Variants in SUGCT observed in about 807,000 individuals in gnomAD.
SUGCT encodes succinyl-CoA:glutarate CoA-transferase.
SUGCT carries 41 observed loss-of-function variants against 55.0 expected under a neutral mutation model. That is an observed-to-expected ratio of 0.74 (90% confidence interval 0.58 to 0.97). The LOEUF is 0.97. Among genes scored for constraint, SUGCT ranks in the 50% least tolerant of loss-of-function variants. The pLI, the probability that SUGCT is intolerant of heterozygous loss-of-function variation, is 0.00. For synonymous variants in SUGCT, 187 were observed against 200.4 expected (o/e 0.93, Z 0.56); for missense variants, 568 against 547.8 (o/e 1.04, Z -0.37).
chr7:40,710,278 T>A (rs563827194), intron 12 of SUGCT, among the ~76,000 whole-genome samples: 1 of 152,336 alleles, frequency 6.6e-6, no homozygotes, highest in East Asian at 1.9e-4. Context: ...ACAGAGGAGA[T>A]ACATTTCTAC....
At chr7:40,957,095 T>C in the SUGCT span, among the ~76,000 whole-genome samples, 1 of 152,228 alleles carries the variant, frequency 6.6e-6, no homozygotes, top group Non-Finnish European at 1.5e-5. Context: ...GTATATTCTG[T>C]TGATTTTGGG....
At chr7:40,329,995 T>G (rs1198029071) in intron 9 of SUGCT, among the ~76,000 whole-genome samples, 1 of 152,200 alleles carries the variant, frequency 6.6e-6, no homozygotes, top group Non-Finnish European at 1.5e-5. Flanking sequence ...GTTGCATGGG[T>G]TAGTCTGTCA....
At chr7:40,750,961 C>T (rs1319223468) in intron 13 of SUGCT, among the ~76,000 whole-genome samples, 1 of 152,122 alleles carries the variant, frequency 6.6e-6, no homozygotes, top group Non-Finnish European at 1.5e-5. Flanking sequence ...CACCCCTGGC[C>T]ACCTGGAACT....
At chr7:40,224,394 C>T (rs1343999724) in intron 6 of SUGCT, among the ~76,000 whole-genome samples, 1 of 121,812 alleles carries the variant, frequency 8.2e-6, no homozygotes, top group East Asian at 2.2e-4. Flanking sequence ...TTAGGATAAT[C>T]TGTGCGTGTG....
chr7:40,933,753 A>G, the SUGCT span, among the ~76,000 whole-genome samples: 1 of 152,150 alleles, frequency 6.6e-6, no homozygotes, highest in Non-Finnish European at 1.5e-5. Context: ...CATGCATCAC[A>G]AAGTTCTTAT....
intron 8 of SUGCT, among the ~76,000 whole-genome samples, chr7:40,310,241 A>G (rs1056133271): frequency 7.9e-5 from 12 of 152,208 alleles, no homozygotes; most frequent in Non-Finnish European, 1.5e-4. Context: ...AAAACCTCAT[A>G]ACTCCAGTCT....
At chr7:40,539,030 G>A (rs1263169481) in intron 12 of SUGCT, 1 of 149,644 alleles carries the variant, frequency 6.7e-6, no homozygotes, top group Non-Finnish European at 1.5e-5. Context: ...AGTGAGCTGA[G>A]ATCGTGCCAC....
At chr7:40,925,761 C>T in the SUGCT span, among the ~76,000 whole-genome samples, 10 of 152,162 alleles carry the variant, frequency 6.6e-5, no homozygotes, top group South Asian at 8.3e-4. Context: ...AGCAGAGTCA[C>T]GAATCATACT....
intron 9 of SUGCT, among the ~76,000 whole-genome samples, chr7:40,425,101 G>A (rs1036523309): frequency 6.6e-6 from 1 of 152,096 alleles, no homozygotes; most frequent in African/African-American, 2.4e-5. Flanking sequence ...ATATATTACA[G>A]TGTAAGTGGT....
At chr7:40,852,075 C>G (rs1007778113) in intron 13 of SUGCT, among the ~76,000 whole-genome samples, 1 of 152,174 alleles carries the variant, frequency 6.6e-6, no homozygotes, top group Admixed American at 6.5e-5. Flanking sequence ...AGCTAAAGAC[C>G]CACTGACATC....
the SUGCT span, among the ~76,000 whole-genome samples, chr7:40,923,679 C>T: frequency 6.6e-6 from 1 of 152,182 alleles, no homozygotes; most frequent in African/African-American, 2.4e-5. Flanking sequence ...TTTCTCTAGT[C>T]CATCAATATT....
chr7:40,998,500 CA>C, the SUGCT span, among the ~76,000 whole-genome samples: 1 of 152,108 alleles, frequency 6.6e-6, no homozygotes, highest in Admixed American at 6.5e-5. Context: ...TTTGTAGCTA[CA>C]AAGGTTTGTC....
intron 12 of SUGCT, among the ~76,000 whole-genome samples, chr7:40,678,531 A>T (rs1784104964): frequency 6.6e-6 from 1 of 152,176 alleles, no homozygotes; most frequent in African/African-American, 2.4e-5. Context: ...GGCAATTCAT[A>T]CTTTCCCTTC....
intron 13 of SUGCT, among the ~76,000 whole-genome samples, chr7:40,805,596 G>A (rs1022109617): frequency 2.6e-5 from 4 of 152,174 alleles, no homozygotes; most frequent in African/African-American, 9.7e-5. Context: ...TAGTTAGAAA[G>A]CAAAGCATTT....
At chr7:40,932,705 T>TGTTG in the SUGCT span, among the ~76,000 whole-genome samples, 1 of 152,160 alleles carries the variant, frequency 6.6e-6, no homozygotes, top group Non-Finnish European at 1.5e-5. Context: ...TTTTGATCTT[T>TGTTG]GTTGGTTTCA....
At chr7:40,822,441 G>T (rs1242418112) in intron 13 of SUGCT, among the ~76,000 whole-genome samples, 1 of 152,016 alleles carries the variant, frequency 6.6e-6, no homozygotes, top group Non-Finnish European at 1.5e-5. Flanking sequence ...TATGAATCTG[G>T]GTGCTCCTGT....
chr7:40,807,180 T>C (rs1013758388), intron 13 of SUGCT, among the ~76,000 whole-genome samples: 1 of 152,176 alleles, frequency 6.6e-6, no homozygotes, highest in African/African-American at 2.4e-5. Context: ...GAAGTTATAG[T>C]CCAATGTTAT....
chr7:40,970,202 C>G, the SUGCT span, among the ~76,000 whole-genome samples: 1 of 151,982 alleles, frequency 6.6e-6, no homozygotes, highest in African/African-American at 2.4e-5. Context: ...GACGGAGTCT[C>G]GCTCTGTGGC....
At chr7:40,763,052 G>C (rs1781990438) in intron 13 of SUGCT, among the ~76,000 whole-genome samples, 1 of 151,936 alleles carries the variant, frequency 6.6e-6, no homozygotes. Context: ...CCTGACCTCA[G>C]GTGATCCTCC....
Sources: allele counts gnomAD v4.1 joint callset (sites outside exome capture counted in the v4.1 genomes callset), GRCh38; gene constraint gnomAD v4.1.1; transcripts MANE v1.5; gene names NCBI Gene and HGNC (gene_info 2026-07-23, HGNC 2026-07-21).